Variants in ROBO1 observed in about 807,000 individuals in gnomAD.
ROBO1 encodes the protein roundabout homolog 1.
ROBO1 carries 149 observed loss-of-function variants against 195.9 expected under a neutral mutation model. That is an observed-to-expected ratio of 0.76 (90% confidence interval 0.67 to 0.87). The LOEUF is 0.87. Ranked by LOEUF, ROBO1 falls within the 40% of genes least tolerant of loss-of-function variation. The probability of loss-of-function intolerance (pLI) is 0.00; values close to 1 mark genes in which losing one functional copy is unlikely to be tolerated. For missense variants in ROBO1, 1,933 were observed against 2,068.3 expected, an observed-to-expected ratio of 0.93 and a Z score of 1.27; for synonymous variants, 816 against 733.2, an observed-to-expected ratio of 1.11 and a Z score of -1.82.
At chr3:79,359,825 C>A (rs563500798) in intron 2 of ROBO1, among the ~76,000 whole-genome samples, 1 of 151,694 alleles carries the variant, frequency 6.6e-6, no homozygotes, top group South Asian at 2.1e-4. Context: ...ATACAGATAC[C>A]AAGCATAAGA....
At chr3:79,049,135 A>C (rs1428414479) in intron 3 of ROBO1, among the ~76,000 whole-genome samples, 1 of 152,136 alleles carries the variant, frequency 6.6e-6, no homozygotes, top group African/African-American at 2.4e-5. Context: ...CACCGCAATG[A>C]AGCTAAAAAT....
chr3:79,261,641 C>T (rs1486143625), intron 2 of ROBO1, among the ~76,000 whole-genome samples: 4 of 151,640 alleles, frequency 2.6e-5, no homozygotes, highest in Non-Finnish European at 5.9e-5. Flanking sequence ...TGTAGTAGGC[C>T]GTCTGATGTA....
chr3:78,806,275 G>C (rs2084536013), intron 4 of ROBO1, among the ~76,000 whole-genome samples: 1 of 152,036 alleles, frequency 6.6e-6, no homozygotes, highest in African/African-American at 2.4e-5. Context: ...TGCCTGGTCT[G>C]CTCTCTCTAA....
intron 3 of ROBO1, among the ~76,000 whole-genome samples, chr3:78,979,138 T>C (rs1268795482): frequency 6.6e-6 from 1 of 152,182 alleles, no homozygotes; most frequent in Non-Finnish European, 1.5e-5. Context: ...TGTCCATGCC[T>C]CATGGCTTTC....
At chr3:79,618,848 G>A (rs966423184) in intron 1 of ROBO1, among the ~76,000 whole-genome samples, 5 of 152,014 alleles carry the variant, frequency 3.3e-5, no homozygotes, top group Admixed American at 2.0e-4. Flanking sequence ...CCAGCCTCTC[G>A]TGCTACCCTT....
intron 2 of ROBO1, among the ~76,000 whole-genome samples, chr3:79,467,112 T>G (rs1210170722): frequency 6.6e-6 from 1 of 152,110 alleles, no homozygotes; most frequent in Non-Finnish European, 1.5e-5. Context: ...GTAGGGAAGT[T>G]AGAGCCTCTT....
intron 1 of ROBO1, among the ~76,000 whole-genome samples, chr3:79,739,862 A>C (rs1703548959): frequency 6.6e-6 from 1 of 152,176 alleles, no homozygotes; most frequent in Admixed American, 6.5e-5. Flanking sequence ...CAGAAATATT[A>C]TCAGAGCAAA....
At chr3:78,679,857 A>G (rs1272278108) in intron 10 of ROBO1, among the ~76,000 whole-genome samples, 1 of 152,102 alleles carries the variant, frequency 6.6e-6, no homozygotes, top group Non-Finnish European at 1.5e-5. Context: ...GAACCAAAAA[A>G]GAGCCCGCAT....
In ROBO1 at chr3:79,605,040, A is replaced by G. The variant is rs187034591; in HGVS notation, c.-50-15079T>C. ...TCTCTTCTCTTTTCTTATTACTTCAATCTGACTTTTGCTCCCATAACTGCA... is the reference window on the plus strand; with the variant it reads ...TCTCTTCTCTTTTCTTATTACTTCAGTCTGACTTTTGCTCCCATAACTGCA... On this transcript the variant is annotated intron_variant, in intron 1 of 30. Transcript: ENST00000464233. 1.2e-3 allele frequency among the ~76,000 whole-genome samples: 182 copies of G among 152,004 alleles called. 2 individuals carry two copies. The highest frequency in any genetic ancestry group is 4.1e-3 in the African/African-American group (169 of 41,496).
At position 79,027,733 on chromosome 3, in the gene ROBO1, C is replaced by T. The variant is rs117336077; in HGVS notation, c.173-88806G>A. On this transcript the variant is annotated intron_variant, in intron 3 of 30. Transcript: ENST00000464233. The stretch of plus-strand genomic sequence containing the variant: ...CAATTTCATTGCTGGAACTAAAAGC[C>T]TTTGTTGATTTGATCTAATCTCATC... Among the ~76,000 whole-genome samples, 72 of 152,134 alleles carry T rather than the reference C, an allele frequency of 4.7e-4. No individual in the cohort carries two copies. In the East Asian group the frequency reaches 0.011, roughly 24 times the overall value.
chr3:78,939,385 C>A (rs779690869), intron 3 of ROBO1, among the ~76,000 whole-genome samples: 2 of 150,822 alleles, frequency 1.3e-5, no homozygotes, highest in African/African-American at 4.9e-5. Context: ...GGGGCCGAGG[C>A]GGGCGGATCA....
chr3:79,638,938 C>G (rs1945575970), intron 1 of ROBO1, among the ~76,000 whole-genome samples: 1 of 152,148 alleles, frequency 6.6e-6, no homozygotes, highest in Non-Finnish European at 1.5e-5. Flanking sequence ...AGTACCACCA[C>G]TGTACACCTG....
intron 2 of ROBO1, among the ~76,000 whole-genome samples, chr3:79,304,018 G>A (rs2109070695): frequency 6.6e-6 from 1 of 152,238 alleles, no homozygotes; most frequent in East Asian, 1.9e-4. Context: ...TTTCTTAATA[G>A]CCTGCAGTTT....
chr3:78,691,421 T>C lies in ROBO1; in HGVS notation c.1046-2649A>G, dbSNP rs191399304. 1.8e-3 allele frequency among the ~76,000 whole-genome samples: 274 copies of C among 152,270 alleles called. 1 individual carries two copies. The highest frequency in any genetic ancestry group is 6.6e-3 in the East Asian group (34 of 5,182). ...AGAAAAGCTACCCACAATTCTGCCATAGAAATTGGGTCATACTATTTAAAA... is the reference window on the plus strand; with the variant it reads ...AGAAAAGCTACCCACAATTCTGCCACAGAAATTGGGTCATACTATTTAAAA... On this transcript the variant is annotated intron_variant, in intron 8 of 30. Coordinates refer to ENST00000464233, the MANE Select transcript of ROBO1 (RefSeq NM_002941.4).
chr3:79,269,408 C>A (rs2030313919), intron 2 of ROBO1, among the ~76,000 whole-genome samples: 2 of 151,694 alleles, frequency 1.3e-5, no homozygotes, highest in Admixed American at 1.3e-4. Flanking sequence ...TCCCTTTTAA[C>A]TTCCTTTTTG....
intron 4 of ROBO1, among the ~76,000 whole-genome samples, chr3:78,882,939 A>T (rs1232832756): frequency 6.6e-6 from 1 of 151,710 alleles, no homozygotes; most frequent in Non-Finnish European, 1.5e-5. Context: ...CAGCCTCCCA[A>T]GTAGCTGGGA....
chr3:79,153,212 C>T (rs2080802884), intron 2 of ROBO1, among the ~76,000 whole-genome samples: 1 of 151,640 alleles, frequency 6.6e-6, no homozygotes, highest in African/African-American at 2.4e-5. Flanking sequence ...TGAAGACTTC[C>T]ACGTAGAAGA....
At chr3:79,102,095 TTATC>T (rs1358316024) in intron 3 of ROBO1, among the ~76,000 whole-genome samples, 1 of 151,776 alleles carries the variant, frequency 6.6e-6, no homozygotes, top group Non-Finnish European at 1.5e-5. Flanking sequence ...TTTATTAAAA[TTATC>T]TATAAAAGTG....
chr3:79,128,184 C>T (rs942667617), intron 2 of ROBO1, among the ~76,000 whole-genome samples: 1 of 152,040 alleles, frequency 6.6e-6, no homozygotes, highest in Admixed American at 6.6e-5. Context: ...GTGTGTTTAC[C>T]ATATCTAAAG....
Sources: gnomAD v4.1 joint callset for allele counts (sites outside exome capture counted in the v4.1 genomes callset) on GRCh38, gnomAD v4.1.1 for gene constraint, MANE v1.5 for transcripts, NCBI Gene and HGNC (gene_info 2026-07-23, HGNC 2026-07-21) for gene names.